The following TRIM29 variants were observed in gnomAD, a reference collection of about 807,000 sequenced individuals.
TRIM29 encodes the protein tripartite motif containing 29.
Under a neutral mutation model 57.3 loss-of-function variants are expected in TRIM29, and 52 were observed. The ratio of observed to expected loss-of-function variants is 0.91; its 90% CI spans 0.73 to 1.14. The LOEUF (loss-of-function observed/expected upper bound fraction) is 1.14, where lower values mean the gene tolerates loss of function less well. Ranked by LOEUF, TRIM29 falls within the 50% of genes most tolerant of loss-of-function variation. The pLI is 0.00. For synonymous variants in TRIM29, 319 were observed against 316.9 expected, an observed-to-expected ratio of 1.01 and a Z score of -0.07; for missense variants, 753 against 774.6, an observed-to-expected ratio of 0.97 and a Z score of 0.33.
chr11:120,133,611 G>A (rs1344020806), intron 1 of TRIM29, among the ~76,000 whole-genome samples: 1 of 152,160 alleles, frequency 6.6e-6, no homozygotes, highest in Non-Finnish European at 1.5e-5. Flanking sequence ...GGGAAAGTGG[G>A]CCCAGCCCCT....
intron 8 of TRIM29, among the ~76,000 whole-genome samples, chr11:120,113,347 C>T (rs532915778): frequency 6.6e-6 from 1 of 152,256 alleles, no homozygotes; most frequent in African/African-American, 2.4e-5. Flanking sequence ...TTCATCAGGG[C>T]CCTGAGGAGG....
intron 5 of TRIM29, among the ~76,000 whole-genome samples, chr11:120,122,624 A>C (rs1863484970): frequency 6.6e-6 from 1 of 152,024 alleles, no homozygotes; most frequent in South Asian, 2.1e-4. Flanking sequence ...AGCCCAGGAG[A>C]CCTCCGGAAG....
At position 120,127,372 on chromosome 11, in the gene TRIM29, C is replaced by G. The variant is rs767975013; in HGVS notation, c.1098G>C (p.Gln366His). 3.7e-6 allele frequency: 6 copies of G among 1,614,172 alleles called. No homozygotes were observed. In the Admixed American group the frequency reaches 1.0e-4, roughly 27 times the overall value. Residue 366 changes from glutamine to histidine, a missense_variant, in exon 3 of 9, where the codon CAG becomes CAC. Gln to His is a conservative substitution (Grantham distance 24). Transcript: ENST00000341846. The stretch of plus-strand genomic sequence containing the variant: ...ACACAGAGTCGCTGATGCTATGCAG[C>G]TGCTCCCGGGTCTGCTTGTCCTCAT... ...VLHEDKQTREQLHSISDSVLF... is the reference protein window; with the variant it reads ...VLHEDKQTREHLHSISDSVLF...
chr11:120,128,566 G>T, intron 1 of TRIM29, 71 bp from the exon 2 acceptor site: 1 of 1,537,468 alleles, frequency 6.5e-7, no homozygotes, highest in Non-Finnish European at 8.8e-7. Context: ...ACCAGGGAGC[G>T]GCTCCACTCA....
chr11:120,116,805 G>C (rs529380689), intron 7 of TRIM29: 95 of 227,162 alleles, frequency 4.2e-4, no homozygotes, highest in Non-Finnish European at 6.4e-4. Flanking sequence ...TCCAGATAGA[G>C]AGTATGCTGG....
intron 2 of TRIM29, 135 bp from the exon 3 acceptor site, chr11:120,127,704 G>T: frequency 1.3e-6 from 1 of 776,654 alleles, no homozygotes; most frequent in Non-Finnish European, 2.0e-6. Context: ...AAGCCTATTT[G>T]GCCAAGAATC....
chr11:120,123,393 T>G, intron 4 of TRIM29: 1 of 497,736 alleles, frequency 2.0e-6, no homozygotes, highest in Non-Finnish European at 3.9e-6. Context: ...TGTGGTTGTA[T>G]CCCCCTGAGA....
chr11:120,112,193 CA>C lies in TRIM29; in HGVS notation c.*220del. ...CTCTGAGCACAGGAATGATGGTGAC[CA>C]TCTGAGGTCACAAGGCAGGAAAGGA... is the stretch of plus-strand genomic sequence containing the variant. On this transcript the variant is annotated 3_prime_UTR_variant, in exon 9 of 9. Coordinates refer to ENST00000341846, the MANE Select transcript of TRIM29 (RefSeq NM_012101.4). The C allele has an allele frequency of 1.9e-6, 1 of 524,182 alleles. No individual in the cohort carries two copies. Among genetic ancestry groups the C allele is most frequent in the African/African-American group, 2.0e-5 (1 of 50,904 alleles). The allele number at this position is 524,182 out of a possible 1,614,324, so 32.5% of individuals were successfully genotyped here.
intron 7 of TRIM29, 192 bp from the exon 8 acceptor site, chr11:120,115,606 G>C: frequency 1.7e-6 from 1 of 584,528 alleles, no homozygotes; most frequent in Admixed American, 3.1e-5. Flanking sequence ...GCTGGCCAAA[G>C]GGAGGAGGCA....
In TRIM29 at chr11:120,120,666, C is replaced by T. The variant is rs756607296; in HGVS notation, c.1436-1G>A. ...GGCTGGTATGATGTCCGGACCCCAC[C>T]TGTGAAGCAGATGAAGGGGGCTGTC... is the stretch of plus-strand genomic sequence containing the variant. On this transcript the variant is annotated splice_acceptor_variant, in intron 5 of 8. Transcript: ENST00000341846. LOFTEE classifies it high-confidence loss of function. 3.7e-6 allele frequency: 6 copies of T among 1,613,800 alleles called. No individual in the cohort carries two copies. The South Asian group carries it at 6.6e-5, about 18-fold the overall frequency.
chr11:120,128,720 C>A, intron 1 of TRIM29: 1 of 1,535,660 alleles, frequency 6.5e-7, no homozygotes, highest in South Asian at 1.2e-5. Flanking sequence ...GCTGTATTCT[C>A]AGGCCACTAG....
In TRIM29 at chr11:120,112,377, A is replaced by G. The variant is rs763614704; in HGVS notation, c.*37T>C. On this transcript the variant is annotated 3_prime_UTR_variant, in exon 9 of 9. Coordinates refer to ENST00000341846, the MANE Select transcript of TRIM29 (RefSeq NM_012101.4). ...CAAGAGCAGCAGGGTCAGGAGGAAG[A>G]GCAGGGGTGTGGCGCCTCGTTCCTT... is the stretch of plus-strand genomic sequence containing the variant. 6.2e-7 allele frequency: 1 copy of G among 1,611,406 alleles called. No individual in the cohort carries two copies. Among genetic ancestry groups the G allele is most frequent in the Non-Finnish European group, 8.5e-7 (1 of 1,177,966 alleles).
At chr11:120,136,162 A>G (rs191902139) in intron 1 of TRIM29, among the ~76,000 whole-genome samples, 149 of 152,310 alleles carry the variant, frequency 9.8e-4, no homozygotes, top group Admixed American at 1.8e-3. Context: ...TGCACATAAA[A>G]TAAACACATA....
At position 120,138,103 on chromosome 11, in the gene TRIM29, C is replaced by T. The variant is rs1264342220; in HGVS notation, c.-72G>A. The stretch of plus-strand genomic sequence containing the variant: ...TAGGTGACCTTTCTGGCAGGCGTCT[C>T]GGCAGGGAGTGGGGCAGGCAACCAC... On this transcript the variant is annotated 5_prime_UTR_variant, in exon 1 of 9. Transcript: ENST00000341846. 12 of 1,390,918 alleles carry T rather than the reference C, an allele frequency of 8.6e-6. No homozygotes were observed. Among genetic ancestry groups the T allele is most frequent in the Admixed American group, 5.2e-5 (2 of 38,348 alleles). 86.2% of individuals were successfully genotyped at this position (1,390,918 alleles called of 1,614,324 possible). A position where few individuals can be genotyped will look rare whatever the true frequency, so the allele number is the denominator to read the frequency against.
Position 120,125,805 on chromosome 11 carries a change from G to C in TRIM29, c.1219C>G (p.Gln407Glu). The C allele has an allele frequency of 6.2e-7, 1 of 1,614,172 alleles. No homozygotes were observed. The highest frequency in any genetic ancestry group is 8.5e-7 in the Non-Finnish European group (1 of 1,180,042). Residue 407 changes from glutamine to glutamate, a missense_variant, in exon 4 of 9, where the codon CAG (glutamine) becomes GAG (glutamate). Transcript: ENST00000341846. ...HVLLEGEGLG[Q>E]SLGNFKDDLL... ...TCGTCCTTGAAGTTGCCTAGTGACT[G>C]TCCCAGGCCCTCCCCCTCCAGCAGG... is the stretch of plus-strand genomic sequence containing the variant.
chr11:120,115,116 G>A (rs532725332), intron 8 of TRIM29, among the ~76,000 whole-genome samples: 2 of 152,310 alleles, frequency 1.3e-5, no homozygotes, highest in South Asian at 4.1e-4. Context: ...GAAAACTGAG[G>A]TCCAGAGAGT....
chr11:120,133,991 C>T (rs998022483), intron 1 of TRIM29, among the ~76,000 whole-genome samples: 1 of 152,108 alleles, frequency 6.6e-6, no homozygotes, highest in African/African-American at 2.4e-5. Flanking sequence ...GAGGTCTTAA[C>T]ATCCTGGCCT....
rs1863152743 is a variant in TRIM29, at chr11:120,112,297, G to A, written c.*117C>T. The A allele has an allele frequency of 8.1e-7, 1 of 1,241,754 alleles. No individual in the cohort carries two copies. Among genetic ancestry groups the A allele is most frequent in the African/African-American group, 1.5e-5 (1 of 66,152 alleles). The allele number at this position is 1,241,754 out of a possible 1,614,324, so 76.9% of individuals were successfully genotyped here. A position where few individuals can be genotyped will look rare whatever the true frequency, so the allele number is the denominator to read the frequency against. On this transcript the variant is annotated 3_prime_UTR_variant, in exon 9 of 9. Transcript: ENST00000341846. ...AAGAGGCTGGCAGAGGGCTGCAGAG[G>A]GCAGGTGCAGGACCAGGCTCCCTCC...
At chr11:120,119,087 G>T (rs1428046280) in intron 6 of TRIM29, among the ~76,000 whole-genome samples, 1 of 152,162 alleles carries the variant, frequency 6.6e-6, no homozygotes. Flanking sequence ...CCTAAAACTT[G>T]GGGACAAGAC....
Sources: gnomAD v4.1 joint callset for allele counts (sites outside exome capture counted in the v4.1 genomes callset) on GRCh38, gnomAD v4.1.1 for gene constraint, MANE v1.5 for transcripts, NCBI Gene and HGNC (gene_info 2026-07-23, HGNC 2026-07-21) for gene names.